Variants in YTHDC2 observed in about 807,000 individuals in gnomAD.
The protein encoded by YTHDC2 is 3'-5' RNA helicase YTHDC2.
A neutral mutation model predicts 174.9 loss-of-function variants in YTHDC2; 45 were observed. The observed-to-expected ratio is 0.26, with a 90% CI of 0.20 to 0.33. YTHDC2 has a LOEUF of 0.33. Ranked by LOEUF, YTHDC2 falls within the 10% of genes least tolerant of loss-of-function variation. The pLI is 1.00. For missense variants in YTHDC2, 1,650 were observed against 1,723.7 expected, an observed-to-expected ratio of 0.96 and a Z score of 0.76; for synonymous variants, 657 against 574.5, an observed-to-expected ratio of 1.14 and a Z score of -2.05.
rs755773164 is a variant in YTHDC2, at chr5:113,581,372, G to A, written c.3355-45G>A. 1.6e-5 allele frequency: 24 copies of A among 1,501,884 alleles called. No individual in the cohort carries two copies. In the East Asian group the frequency reaches 5.6e-4, roughly 35 times the overall value. 93.0% of individuals were successfully genotyped at this position (1,501,884 alleles called of 1,614,324 possible). A position where few individuals can be genotyped will look rare whatever the true frequency, so the allele number is the denominator to read the frequency against. ...AAACTAATCAACACATAGGTGTTTT[G>A]CATATGTGATATTCATTTGCTTGTA... On this transcript the variant is annotated intron_variant, in intron 24 of 29. Transcript: ENST00000161863.
intron 2 of YTHDC2, among the ~76,000 whole-genome samples, chr5:113,515,901 C>G (rs749172674): frequency 7.2e-5 from 11 of 152,090 alleles, no homozygotes; most frequent in African/African-American, 2.7e-4. Flanking sequence ...TGTAGGTTCC[C>G]CTGGTGCTGT....
chr5:113,587,704 A>G (rs1259741222), intron 26 of YTHDC2, among the ~76,000 whole-genome samples: 1 of 150,390 alleles, frequency 6.6e-6, no homozygotes, highest in Non-Finnish European at 1.5e-5. Flanking sequence ...TTGTCCTTCA[A>G]CTTTGTTTAT....
chr5:113,566,811 T>C (rs1437534842), intron 21 of YTHDC2, among the ~76,000 whole-genome samples: 1 of 152,162 alleles, frequency 6.6e-6, no homozygotes, highest in African/African-American at 2.4e-5. Context: ...TGAAGAACTT[T>C]ATTGCAAGAA....
At chr5:113,585,455 T>G (rs982525707) in intron 26 of YTHDC2, among the ~76,000 whole-genome samples, 5 of 152,148 alleles carry the variant, frequency 3.3e-5, no homozygotes, top group Non-Finnish European at 5.9e-5. Context: ...TCTTAGGTTT[T>G]GAAGTTTTTT....
rs1449175529 is a variant in YTHDC2, at chr5:113,517,304, C to A, written c.278+1942C>A. Among the ~76,000 whole-genome samples, 5 of 152,136 alleles carry A rather than the reference C, an allele frequency of 3.3e-5. 1 individual carries two copies. The highest frequency in any genetic ancestry group is 1.2e-4 in the African/African-American group (5 of 41,426). On this transcript the variant is annotated intron_variant, in intron 2 of 29. Transcript: ENST00000161863. ...TGGCACTGTTTGGGTTTACTAGTTG[C>A]AGGTAAGAGGTTTTGGGCCTGTGCT...
chr5:113,530,283 A>T (rs1334948732), intron 4 of YTHDC2, among the ~76,000 whole-genome samples: 1 of 151,966 alleles, frequency 6.6e-6, no homozygotes, highest in African/African-American at 2.4e-5. Context: ...TTAAGAGGCT[A>T]TTTTTGACCA....
chr5:113,520,591 A>G (rs766773292), intron 2 of YTHDC2, among the ~76,000 whole-genome samples: 1 of 150,780 alleles, frequency 6.6e-6, no homozygotes, highest in Non-Finnish European at 1.5e-5. Flanking sequence ...CTGGCCTGGT[A>G]TTTACCACAA....
chr5:113,538,977 A>C, intron 7 of YTHDC2, 97 bp from the exon 8 acceptor site: 1 of 599,558 alleles, frequency 1.7e-6, no homozygotes, highest in Non-Finnish European at 2.8e-6. Context: ...TTGCTTTTGG[A>C]TATTATACTG....
intron 5 of YTHDC2, 25 bp downstream of exon 5, chr5:113,533,070 C>T (rs756932590): frequency 1.2e-6 from 2 of 1,610,784 alleles, no homozygotes; most frequent in South Asian, 2.2e-5. Flanking sequence ...CATGTATCTT[C>T]TCTTTTATCA....
rs1775792249 is a variant in YTHDC2 at position 113,545,366 on chromosome 5, TG to T, written c.1495+2864del. Among the ~76,000 whole-genome samples the T allele has an allele frequency of 5.5e-5, 7 of 127,062 alleles. No individual in the cohort carries two copies. The South Asian group carries it at 1.7e-3, about 31-fold the overall frequency. 83.4% of individuals were successfully genotyped at this position (127,062 alleles called of 152,430 possible). ...TAAAGCTCATTATTCTTTTTTGTTT[TG>T]TTTTGTTTTGTTTTGTTTTGTTTTG... On this transcript the variant is annotated intron_variant, in intron 10 of 29. Coordinates refer to ENST00000161863, the MANE Select transcript of YTHDC2 (RefSeq NM_022828.5).
chr5:113,568,475 A>G (rs1777500534), intron 23 of YTHDC2, among the ~76,000 whole-genome samples: 3 of 145,012 alleles, frequency 2.1e-5, no homozygotes, highest in East Asian at 1.9e-4. Context: ...TCATGTATCT[A>G]TCAAGCCCAG....
In YTHDC2 at chr5:113,553,699, G is replaced by A; in HGVS notation, c.1964+13G>A. Reference sequence around the variant, plus strand: ...ACAGTACACATAGGTAAGGGCTAAAGCCTTATATCTGTTGCTTAAAATAAC... The same window carrying A: ...ACAGTACACATAGGTAAGGGCTAAAACCTTATATCTGTTGCTTAAAATAAC... On this transcript the variant is annotated intron_variant, in intron 14 of 29. Transcript: ENST00000161863. The A allele has an allele frequency of 6.2e-7, 1 of 1,613,160 alleles. No individual in the cohort carries two copies.
At chr5:113,517,339 A>G (rs1315557737) in intron 2 of YTHDC2, among the ~76,000 whole-genome samples, 3 of 152,208 alleles carry the variant, frequency 2.0e-5, no homozygotes, top group African/African-American at 7.2e-5. Context: ...TTGGAAACAC[A>G]TGTTATAAAT....
intron 23 of YTHDC2, among the ~76,000 whole-genome samples, chr5:113,576,652 A>G (rs1365299710): frequency 6.6e-6 from 1 of 152,172 alleles, no homozygotes; most frequent in Non-Finnish European, 1.5e-5. Flanking sequence ...TTTCTGTCAA[A>G]AAGAAATAAC....
intron 18 of YTHDC2, among the ~76,000 whole-genome samples, chr5:113,563,059 G>A (rs536953281): frequency 3.7e-5 from 4 of 107,412 alleles, no homozygotes; most frequent in Non-Finnish European, 7.0e-5. Flanking sequence ...AAGTATAAAG[G>A]GGGGAAAAGA....
chr5:113,563,440 C>G lies in YTHDC2; in HGVS notation c.2390C>G (p.Ala797Gly). ...NCPIADFLMK[A>G]PEPPPALIVR... is the part of the protein sequence containing the mutation. The stretch of plus-strand genomic sequence containing the variant: ...CCCATTGCTGATTTTCTTATGAAAG[C>G]TCCTGAACCTCCACCAGCTTTAATT... The change falls in exon 19 of 30, where the codon GCT (alanine) becomes GGT (glycine). Residue 797 changes from alanine (A) to glycine (G), a missense_variant. Transcript: ENST00000161863. 6.2e-7 allele frequency: 1 copy of G among 1,611,172 alleles called. No individual in the cohort carries two copies.
chr5:113,589,400 A>ATATATATATATATAT, intron 26 of YTHDC2, among the ~76,000 whole-genome samples: 1 of 102,892 alleles, frequency 9.7e-6, no homozygotes, highest in African/African-American at 4.8e-5. Flanking sequence ...AAAATTAAAA[A>ATATATATATATATAT]AAAAAAAAAT....
At chr5:113,557,890 A>G (rs778979308) in intron 17 of YTHDC2, among the ~76,000 whole-genome samples, 11 of 152,262 alleles carry the variant, frequency 7.2e-5, no homozygotes, top group Non-Finnish European at 1.0e-4. Context: ...AATGTTTATC[A>G]AAAGTCTTCC....
intron 17 of YTHDC2, among the ~76,000 whole-genome samples, chr5:113,557,338 C>T (rs1313786327): frequency 1.3e-5 from 2 of 152,174 alleles, no homozygotes; most frequent in Non-Finnish European, 2.9e-5. Flanking sequence ...TGCTGACTTT[C>T]AAAGAATGCC....
Sources: allele counts gnomAD v4.1 joint callset (sites outside exome capture counted in the v4.1 genomes callset), GRCh38; gene constraint gnomAD v4.1.1; transcripts MANE v1.5; gene names NCBI Gene and HGNC (gene_info 2026-07-23, HGNC 2026-07-21).